Variants in FHIP1A observed in about 807,000 individuals in gnomAD.
The protein encoded by FHIP1A is FHF complex subunit HOOK interacting protein 1A, also known as FHF complex subunit HOOK-interacting protein 1A.
FHIP1A carries 61 observed loss-of-function variants against 88.6 expected under a neutral mutation model. The observed-to-expected ratio is 0.69, with a 90% CI of 0.56 to 0.85. The LOEUF (loss-of-function observed/expected upper bound fraction) is 0.85, where lower values mean the gene tolerates loss of function less well. Ranked by LOEUF, FHIP1A falls within the 40% of genes least tolerant of loss-of-function variation. The pLI is 0.00. For synonymous variants in FHIP1A, 478 were observed against 496.0 expected (o/e 0.96, Z 0.48); for missense variants, 1,154 against 1,273.5 (o/e 0.91, Z 1.43).
chr4:151,540,367 G>A (rs189299092), intron 3 of FHIP1A, among the ~76,000 whole-genome samples: 4 of 152,078 alleles, frequency 2.6e-5, no homozygotes, highest in Non-Finnish European at 5.9e-5. Context: ...TTTCAAAAGC[G>A]GACTATCCAG....
intron 1 of FHIP1A, among the ~76,000 whole-genome samples, chr4:151,443,142 G>T (rs1181672688): frequency 6.6e-6 from 1 of 152,014 alleles, no homozygotes; most frequent in Non-Finnish European, 1.5e-5. Flanking sequence ...AGGTGTGGTG[G>T]AGCAAATCAC....
At chr4:151,413,291 T>C (rs1358636219) in intron 1 of FHIP1A, among the ~76,000 whole-genome samples, 4 of 152,114 alleles carry the variant, frequency 2.6e-5, no homozygotes, top group East Asian at 1.9e-4. Flanking sequence ...TTTACAAATA[T>C]AGAAGTAATT....
Position 151,426,252 on chromosome 4 carries a change from A to G in FHIP1A, c.-356+16787A>G, listed in dbSNP as rs1326308894. Among the ~76,000 whole-genome samples the G allele has an allele frequency of 3.3e-5, 5 of 152,174 alleles. No individual in the cohort carries two copies. In the East Asian group the frequency reaches 9.6e-4, roughly 29 times the overall value. ...TTGAAAATTTCCATAATAAAAAACA[A>G]CAAAAAAGGTTAGCTCTCACACCAA... On this transcript the variant is annotated intron_variant, in intron 1 of 13. Coordinates refer to ENST00000435205, the MANE Select transcript of FHIP1A (RefSeq NM_001109977.3).
At chr4:151,644,291 C>T (rs546549791) in intron 9 of FHIP1A, among the ~76,000 whole-genome samples, 2 of 152,062 alleles carry the variant, frequency 1.3e-5, no homozygotes, top group South Asian at 4.2e-4. Flanking sequence ...ACCCCCCACC[C>T]AACACAAAAA....
At chr4:151,620,173 T>G (rs181628310) in intron 7 of FHIP1A, among the ~76,000 whole-genome samples, 1 of 152,122 alleles carries the variant, frequency 6.6e-6, no homozygotes, top group African/African-American at 2.4e-5. Context: ...CTGCATAGAG[T>G]TGGGCAGGTT....
At chr4:151,498,617 C>A (rs1730544821) in intron 3 of FHIP1A, among the ~76,000 whole-genome samples, 1 of 152,086 alleles carries the variant, frequency 6.6e-6, no homozygotes, top group African/African-American at 2.4e-5. Flanking sequence ...AGATCGAGAC[C>A]ATCCTGGCTA....
chr4:151,435,419 G>T (rs1647837772), intron 1 of FHIP1A, among the ~76,000 whole-genome samples: 1 of 152,084 alleles, frequency 6.6e-6, no homozygotes, highest in Non-Finnish European at 1.5e-5. Context: ...AATAATTAAA[G>T]GGGTATCTGT....
intron 7 of FHIP1A, among the ~76,000 whole-genome samples, chr4:151,617,778 C>G (rs1735597736): frequency 6.6e-6 from 1 of 152,058 alleles, no homozygotes; most frequent in African/African-American, 2.4e-5. Flanking sequence ...CCCAGCTACT[C>G]AGGAGGCTGA....
rs548946035 is a variant in FHIP1A at position 151,659,957 on chromosome 4, C to G, written c.2870-2544C>G. 2.0e-5 allele frequency among the ~76,000 whole-genome samples: 3 copies of G among 152,348 alleles called. No homozygotes were observed. The South Asian group carries it at 6.2e-4, about 32-fold the overall frequency. On this transcript the variant is annotated intron_variant, in intron 13 of 13. Coordinates refer to ENST00000435205, the MANE Select transcript of FHIP1A (RefSeq NM_001109977.3). ...CTTTCTCTTTCTACTCAAATACTTT[C>G]CAAACCACAGAGTAACAGTTCACTG...
chr4:151,545,470 C>G (rs546391671), intron 3 of FHIP1A, among the ~76,000 whole-genome samples: 1 of 149,804 alleles, frequency 6.7e-6, no homozygotes, highest in African/African-American at 2.5e-5. Flanking sequence ...CTCTGCCTCC[C>G]GGGTTCAAGC....
intron 7 of FHIP1A, among the ~76,000 whole-genome samples, chr4:151,607,297 G>T (rs1217190485): frequency 6.6e-6 from 1 of 152,190 alleles, no homozygotes; most frequent in Non-Finnish European, 1.5e-5. Context: ...ATTGAACGAG[G>T]TAATTAAAAG....
At chr4:151,580,087 T>C (rs79845485) in intron 5 of FHIP1A, among the ~76,000 whole-genome samples, 2,169 of 152,282 alleles carry the variant, frequency 0.014, 50 homozygotes, top group African/African-American at 0.049. Flanking sequence ...ATTACTTCCA[T>C]AGTTTTTTTC....
Position 151,646,640 on chromosome 4 carries a change from A to G in FHIP1A, c.1309A>G (p.Lys437Glu). 2 of 1,551,638 alleles carry G rather than the reference A, an allele frequency of 1.3e-6. No homozygotes were observed. Reference protein sequence around the residue: ...ERDCYSVSAAKLLALTPVCCS... With the variant: ...ERDCYSVSAAELLALTPVCCS... ...AGACTGTTACTCTGTTTCTGCGGCC[A>G]AGCTTCTCGCCTTGACTCCTGTCTG... The change falls in exon 10 of 14, where the codon AAG becomes GAG. Residue 437 changes from lysine to glutamate, a missense_variant. Transcript: ENST00000435205.
intron 5 of FHIP1A, among the ~76,000 whole-genome samples, chr4:151,578,773 T>C (rs1469288734): frequency 6.6e-6 from 1 of 152,232 alleles, no homozygotes; most frequent in African/African-American, 2.4e-5. Context: ...TGAAAACTTA[T>C]GTCCACCCAA....
intron 7 of FHIP1A, among the ~76,000 whole-genome samples, chr4:151,597,688 C>T (rs1734702908): frequency 6.6e-6 from 1 of 152,186 alleles, no homozygotes; most frequent in Non-Finnish European, 1.5e-5. Context: ...CTCTAAGCCC[C>T]TGACTGGGGC....
At chr4:151,411,619 G>A (rs927722957) in intron 1 of FHIP1A, among the ~76,000 whole-genome samples, 3 of 151,970 alleles carry the variant, frequency 2.0e-5, no homozygotes, top group Admixed American at 6.5e-5. Context: ...CAAAATTCTG[G>A]GATTACAGGT....
At chr4:151,427,705 ATGACATTG>A in intron 1 of FHIP1A, among the ~76,000 whole-genome samples, 1 of 152,266 alleles carries the variant, frequency 6.6e-6, no homozygotes, top group Non-Finnish European at 1.5e-5. Flanking sequence ...TTACATTGTC[ATGACATTG>A]TAACCCAGAC....
chr4:151,450,046 GT>G (rs1728738500), intron 1 of FHIP1A, among the ~76,000 whole-genome samples: 1 of 151,986 alleles, frequency 6.6e-6, no homozygotes, highest in Non-Finnish European at 1.5e-5. Flanking sequence ...CAAATAAGAT[GT>G]ACTTTGATGG....
chr4:151,530,708 G>T (rs1378751631), intron 3 of FHIP1A, among the ~76,000 whole-genome samples: 1 of 152,104 alleles, frequency 6.6e-6, no homozygotes. Context: ...CTCTTTGGTG[G>T]CGTTGTAGTG....
Sources: allele counts gnomAD v4.1 joint callset (sites outside exome capture counted in the v4.1 genomes callset), GRCh38; gene constraint gnomAD v4.1.1; transcripts MANE v1.5; gene names NCBI Gene and HGNC (gene_info 2026-07-23, HGNC 2026-07-21).